Variants in HCN1 observed in about 807,000 individuals in gnomAD.
The protein encoded by HCN1 is potassium/sodium hyperpolarization-activated cyclic nucleotide-gated channel 1.
Under a neutral mutation model 78.9 loss-of-function variants are expected in HCN1, and 13 were observed. That is an observed-to-expected ratio of 0.16 (90% CI 0.11 to 0.26). The LOEUF is 0.26. Ranked by LOEUF, HCN1 falls within the 10% of genes least tolerant of loss-of-function variation. HCN1 has a pLI of 1.00. For synonymous variants in HCN1, 552 were observed against 455.5 expected, an observed-to-expected ratio of 1.21 and a Z score of -2.70; for missense variants, 810 against 1,154.3, an observed-to-expected ratio of 0.70 and a Z score of 4.32.
intron 2 of HCN1, among the ~76,000 whole-genome samples, chr5:45,578,496 A>G (rs1743992653): frequency 6.6e-6 from 1 of 152,014 alleles, no homozygotes; most frequent in Non-Finnish European, 1.5e-5. Flanking sequence ...TGTTTCCAGG[A>G]AGCATTAGAT....
At chr5:45,356,032 G>A (rs893542752) in intron 4 of HCN1, among the ~76,000 whole-genome samples, 2 of 151,908 alleles carry the variant, frequency 1.3e-5, no homozygotes, top group African/African-American at 4.8e-5. Flanking sequence ...TCACTTCCAT[G>A]TGATGTGAAT....
intron 5 of HCN1, among the ~76,000 whole-genome samples, chr5:45,323,968 C>G (rs1258244414): frequency 6.6e-6 from 1 of 151,984 alleles, no homozygotes; most frequent in Non-Finnish European, 1.5e-5. Flanking sequence ...CATTGTTGGA[C>G]ATTTGGGTTG....
chr5:45,369,260 AT>A (rs1315309402), intron 4 of HCN1, among the ~76,000 whole-genome samples: 1 of 151,976 alleles, frequency 6.6e-6, no homozygotes, highest in Non-Finnish European at 1.5e-5. Context: ...TTTACCATGA[AT>A]TTGTATGTGT....
chr5:45,455,177 A>T (rs2111609376), intron 3 of HCN1, among the ~76,000 whole-genome samples: 1 of 152,238 alleles, frequency 6.6e-6, no homozygotes, highest in South Asian at 2.1e-4. Flanking sequence ...AGAAGAGAAA[A>T]TAGGCTTGCA....
intron 4 of HCN1, among the ~76,000 whole-genome samples, chr5:45,395,496 G>C (rs1739668261): frequency 6.6e-6 from 1 of 152,238 alleles, no homozygotes; most frequent in Non-Finnish European, 1.5e-5. Flanking sequence ...TTATATTCAA[G>C]GGAAATATCT....
chr5:45,673,375 T>C (rs1252259843), intron 1 of HCN1, among the ~76,000 whole-genome samples: 2 of 151,562 alleles, frequency 1.3e-5, no homozygotes. Flanking sequence ...AGCCTACAGG[T>C]AAGGAATGCA....
At chr5:45,672,884 C>T (rs1208485676) in intron 1 of HCN1, among the ~76,000 whole-genome samples, 3 of 151,238 alleles carry the variant, frequency 2.0e-5, no homozygotes, top group Non-Finnish European at 4.4e-5. Context: ...TCCCATATAT[C>T]TCACACCTAA....
At chr5:45,423,299 T>C (rs890016725) in intron 3 of HCN1, among the ~76,000 whole-genome samples, 7 of 152,218 alleles carry the variant, frequency 4.6e-5, no homozygotes, top group African/African-American at 1.4e-4. Context: ...GATGGATTAC[T>C]GCATGTGGCT....
intron 1 of HCN1, among the ~76,000 whole-genome samples, chr5:45,680,476 A>G (rs550719552): frequency 5.9e-4 from 90 of 152,270 alleles, no homozygotes; most frequent in Non-Finnish European, 3.8e-4. Context: ...GGTAGCCATG[A>G]AAGTTTTCAC....
rs141354278 is a variant in HCN1 at position 45,387,656 on chromosome 5, G to A, written c.1230+8836C>T. On this transcript the variant is annotated intron_variant, in intron 4 of 7. Coordinates refer to ENST00000303230, the MANE Select transcript of HCN1 (RefSeq NM_021072.4). ...ATTTCGCCCTACATTTTATTATTTT[G>A]CCACTTCTTACCCTGTATATCTCCA... is the stretch of plus-strand genomic sequence containing the variant. Among the ~76,000 whole-genome samples, 31 of 151,344 alleles carry A rather than the reference G, an allele frequency of 2.0e-4. No homozygotes were observed. The East Asian group carries it at 5.8e-3, about 28-fold the overall frequency.
At chr5:45,471,419 T>A (rs1045584024) in intron 2 of HCN1, among the ~76,000 whole-genome samples, 1 of 151,974 alleles carries the variant, frequency 6.6e-6, no homozygotes, top group Non-Finnish European at 1.5e-5. Flanking sequence ...GACTCAGTTG[T>A]AGCATATCTC....
intron 2 of HCN1, among the ~76,000 whole-genome samples, chr5:45,549,887 A>C (rs1444770541): frequency 6.6e-6 from 1 of 152,228 alleles, no homozygotes; most frequent in Non-Finnish European, 1.5e-5. Flanking sequence ...GCCAACAGAC[A>C]CATGAAAAAA....
chr5:45,404,693 CAAAAAAAAAAAAAAAAA>C (rs60728403), intron 3 of HCN1, among the ~76,000 whole-genome samples: 1 of 56,236 alleles, frequency 1.8e-5, no homozygotes, highest in Non-Finnish European at 3.5e-5. Flanking sequence ...GGGCTATTTG[CAAAAAAAAAAAAAAAAA>C]AAAAAAAAAA....
At chr5:45,456,452 T>C (rs1291296892) in intron 3 of HCN1, among the ~76,000 whole-genome samples, 2 of 151,986 alleles carry the variant, frequency 1.3e-5, no homozygotes, top group African/African-American at 4.8e-5. Flanking sequence ...AAAGACCAAT[T>C]GTCTGCACTG....
intron 1 of HCN1, among the ~76,000 whole-genome samples, chr5:45,659,167 C>A (rs1207756480): frequency 3.3e-5 from 5 of 150,072 alleles, no homozygotes; most frequent in African/African-American, 7.3e-5. Flanking sequence ...AGCAGCCTAA[C>A]TGGGAGGCAC....
At chr5:45,518,419 C>T (rs1336436848) in intron 2 of HCN1, among the ~76,000 whole-genome samples, 1 of 151,980 alleles carries the variant, frequency 6.6e-6, no homozygotes, top group Non-Finnish European at 1.5e-5. Context: ...AGCCTGATCA[C>T]AGGACTGGCA....
intron 5 of HCN1, among the ~76,000 whole-genome samples, chr5:45,328,837 C>T (rs146477939): frequency 6.6e-6 from 1 of 151,766 alleles, no homozygotes; most frequent in Non-Finnish European, 1.5e-5. Flanking sequence ...AAGCACTATA[C>T]ACAATTTAGT....
intron 2 of HCN1, among the ~76,000 whole-genome samples, chr5:45,631,742 G>A (rs1464753732): frequency 6.6e-6 from 1 of 152,040 alleles, no homozygotes; most frequent in Non-Finnish European, 1.5e-5. Context: ...TTCTTTGCAT[G>A]ACAGAGCTAT....
At chr5:45,599,140 C>A (rs1274481890) in intron 2 of HCN1, among the ~76,000 whole-genome samples, 1 of 152,026 alleles carries the variant, frequency 6.6e-6, no homozygotes, top group Admixed American at 6.5e-5. Context: ...TTCACAATAG[C>A]AAAGACTTGG....
Sources: allele counts gnomAD v4.1 joint callset (sites outside exome capture counted in the v4.1 genomes callset), GRCh38; gene constraint gnomAD v4.1.1; transcripts MANE v1.5; gene names NCBI Gene and HGNC (gene_info 2026-07-23, HGNC 2026-07-21).